Variants in RBM26 observed in about 807,000 individuals in gnomAD.
RBM26 encodes RNA-binding protein 26.
Under a neutral mutation model 123.6 loss-of-function variants are expected in RBM26, and 30 were observed. The ratio of observed to expected loss-of-function variants is 0.24; its 90% CI spans 0.18 to 0.33. The LOEUF (loss-of-function observed/expected upper bound fraction) is 0.33. RBM26 is among the 10% of genes least tolerant of loss of function. The probability of loss-of-function intolerance (pLI) is 1.00; values close to 1 mark genes in which losing one functional copy is unlikely to be tolerated. For missense variants in RBM26, 947 were observed against 1,203.6 expected, an observed-to-expected ratio of 0.79 and a Z score of 3.15; for synonymous variants, 400 against 404.4, an observed-to-expected ratio of 0.99 and a Z score of 0.13.
chr13:79,385,398 C>A (rs964835091), intron 1 of RBM26, among the ~76,000 whole-genome samples: 3 of 152,186 alleles, frequency 2.0e-5, no homozygotes, highest in Non-Finnish European at 4.4e-5. Flanking sequence ...TATGATCCAT[C>A]CTTGAGCATC....
At chr13:79,333,159 A>G (rs545529283) in intron 20 of RBM26, among the ~76,000 whole-genome samples, 30 of 152,348 alleles carry the variant, frequency 2.0e-4, no homozygotes, top group Admixed American at 5.2e-4. Context: ...CTTTTTCAAT[A>G]TAACATACAC....
chr13:79,327,503 A>G (rs2068619290), intron 20 of RBM26, among the ~76,000 whole-genome samples: 1 of 152,048 alleles, frequency 6.6e-6, no homozygotes, highest in Non-Finnish European at 1.5e-5. Flanking sequence ...AAAGTAGTAT[A>G]AGTGTAGAAA....
At chr13:79,394,197 T>C (rs2078354359) in intron 1 of RBM26, among the ~76,000 whole-genome samples, 1 of 152,232 alleles carries the variant, frequency 6.6e-6, no homozygotes, top group Non-Finnish European at 1.5e-5. Flanking sequence ...GCCGCTCTGC[T>C]AGCTCCTTAC....
downstream of RBM26, among the ~76,000 whole-genome samples, chr13:79,315,200 A>G (rs749125094): frequency 1.3e-5 from 2 of 151,718 alleles, no homozygotes; most frequent in African/African-American, 4.8e-5. Context: ...TACTCCCTTC[A>G]AACATTAGGC....
At chr13:79,369,779 T>C (rs1352849152) in intron 5 of RBM26, among the ~76,000 whole-genome samples, 1 of 152,200 alleles carries the variant, frequency 6.6e-6, no homozygotes, top group Non-Finnish European at 1.5e-5. Flanking sequence ...TTTTTAAACT[T>C]TTAAAAATAG....
Position 79,344,236 on chromosome 13 carries a change from T to G in RBM26, c.2259+12A>C. ...ATTTGCAATTTGGCCAAATCTAACT[T>G]TAACATTTTACCTTCTGTGTTTCAA... On this transcript the variant is annotated intron_variant, in intron 16 of 21. Transcript: ENST00000438737. 6.4e-7 allele frequency: 1 copy of G among 1,568,880 alleles called. No homozygotes were observed. The highest frequency in any genetic ancestry group is 8.8e-7 in the Non-Finnish European group (1 of 1,139,208).
At chr13:79,377,058 G>A (rs763454295) in intron 3 of RBM26, 16 of 210,208 alleles carry the variant, frequency 7.6e-5, no homozygotes, top group Non-Finnish European at 3.9e-5. Context: ...TAATTCCCAT[G>A]TGTTGTTACA....
chr13:79,397,680 CAAAAAAAAA>C (rs561587209), intron 1 of RBM26, among the ~76,000 whole-genome samples: 43 of 63,260 alleles, frequency 6.8e-4, no homozygotes, highest in Non-Finnish European at 1.1e-4. Context: ...GACTCCATCT[CAAAAAAAAA>C]AAAAAAAAAA....
intron 1 of RBM26, among the ~76,000 whole-genome samples, chr13:79,391,723 C>T (rs1043733578): frequency 2.0e-5 from 3 of 151,860 alleles, no homozygotes; most frequent in Non-Finnish European, 4.4e-5. Context: ...CGCACCCAGC[C>T]GAAGCATTTC....
intron 4 of RBM26, 119 bp downstream of exon 4, chr13:79,371,723 C>T: frequency 1.5e-6 from 1 of 686,046 alleles, no homozygotes; most frequent in East Asian, 2.6e-5. Flanking sequence ...TTATATTTTC[C>T]TAGACCAATA....
intron 17 of RBM26, 70 bp from the exon 18 acceptor site, chr13:79,341,297 G>C: frequency 9.9e-7 from 1 of 1,010,982 alleles, no homozygotes; most frequent in South Asian, 1.5e-5. Context: ...CCTTTTTAAA[G>C]TAACTTTTAC....
At chr13:79,395,232 G>C (rs1263041013) in intron 1 of RBM26, among the ~76,000 whole-genome samples, 1 of 152,164 alleles carries the variant, frequency 6.6e-6, no homozygotes, top group African/African-American at 2.4e-5. Flanking sequence ...CATACTCAGA[G>C]ACTGTCCAGA....
downstream of RBM26, among the ~76,000 whole-genome samples, chr13:79,317,306 A>G (rs1234620942): frequency 6.6e-6 from 1 of 151,762 alleles, no homozygotes; most frequent in Non-Finnish European, 1.5e-5. Flanking sequence ...AACAACAACG[A>G]TAACAGGGAG....
intron 6 of RBM26, among the ~76,000 whole-genome samples, chr13:79,368,292 C>T (rs1409920053): frequency 6.6e-6 from 1 of 152,186 alleles, no homozygotes; most frequent in Non-Finnish European, 1.5e-5. Context: ...TCCTAAAGTG[C>T]TGGGATTACA....
chr13:79,401,054 A>G (rs2079021123), intron 1 of RBM26, among the ~76,000 whole-genome samples: 1 of 152,212 alleles, frequency 6.6e-6, no homozygotes, highest in Non-Finnish European at 1.5e-5. Flanking sequence ...TGGACTTACT[A>G]TGCCAAAAGA....
chr13:79,337,734 T>C (rs1403173164), intron 18 of RBM26, among the ~76,000 whole-genome samples: 1 of 152,234 alleles, frequency 6.6e-6, no homozygotes, highest in Non-Finnish European at 1.5e-5. Flanking sequence ...GGTACAGTTA[T>C]CTCAAATCAT....
At chr13:79,334,637 T>C (rs2070003285) in intron 19 of RBM26, among the ~76,000 whole-genome samples, 1 of 152,118 alleles carries the variant, frequency 6.6e-6, no homozygotes, top group African/African-American at 2.4e-5. Context: ...TTACATACAA[T>C]TCACACTTCC....
chr13:79,389,941 T>C (rs2077802713), intron 1 of RBM26, among the ~76,000 whole-genome samples: 1 of 152,164 alleles, frequency 6.6e-6, no homozygotes. Flanking sequence ...TATACTTTTA[T>C]GGGATGATGT....
At chr13:79,372,178 C>T (rs567055761) in intron 3 of RBM26, among the ~76,000 whole-genome samples, 1 of 152,186 alleles carries the variant, frequency 6.6e-6, no homozygotes, top group South Asian at 2.1e-4. Context: ...ACTCTGGAGG[C>T]TGAGGAAAGA....
Sources: allele counts gnomAD v4.1 joint callset (sites outside exome capture counted in the v4.1 genomes callset), GRCh38; gene constraint gnomAD v4.1.1; transcripts MANE v1.5; gene names NCBI Gene and HGNC (gene_info 2026-07-23, HGNC 2026-07-21).